RFX4: variants seen among roughly 807,000 people sequenced by gnomAD.
RFX4 encodes the protein transcription factor RFX4.
RFX4 carries 10 observed loss-of-function variants against 95.0 expected under a neutral mutation model. The observed-to-expected ratio is 0.11, with a 90% confidence interval of 0.06 to 0.18. The LOEUF (loss-of-function observed/expected upper bound fraction) is 0.18. Ranked by LOEUF, RFX4 falls within the 10% of genes least tolerant of loss-of-function variation. The probability of loss-of-function intolerance (pLI) is 1.00; values close to 1 mark genes in which losing one functional copy is unlikely to be tolerated. For synonymous variants in RFX4, 321 were observed against 340.7 expected, an observed-to-expected ratio of 0.94 and a Z score of 0.64; for missense variants, 640 against 922.0, an observed-to-expected ratio of 0.69 and a Z score of 3.96.
intron 4 of RFX4, among the ~76,000 whole-genome samples, chr12:106,669,792 G>T (rs1332530951): frequency 2.0e-5 from 3 of 151,432 alleles, no homozygotes; most frequent in African/African-American, 7.3e-5. Flanking sequence ...ATCTGCTGTG[G>T]GGCATCCATG....
At chr12:106,592,253 T>A (rs375991002) in intron 1 of RFX4, among the ~76,000 whole-genome samples, 5 of 152,308 alleles carry the variant, frequency 3.3e-5, no homozygotes, top group African/African-American at 1.2e-4. Context: ...GTGCTTGTAC[T>A]ATGTAGATAC....
chr12:106,648,536 T>C (rs941697388), intron 3 of RFX4, among the ~76,000 whole-genome samples: 2 of 151,084 alleles, frequency 1.3e-5, no homozygotes, highest in African/African-American at 2.4e-5. Context: ...CTGTGACAAC[T>C]TCAGTGATAA....
Position 106,690,245 on chromosome 12 carries a change from G to A in RFX4, c.669+881G>A, listed in dbSNP as rs558899551. ...CACAGACACAGCTCCAGACAAGATG[G>A]GAGTGTGTTGGTAAAGAAGTACTGT... On this transcript the variant is annotated intron_variant, in intron 7 of 17. Coordinates refer to ENST00000392842, the MANE Select transcript of RFX4 (RefSeq NM_213594.3). Among the ~76,000 whole-genome samples the A allele has an allele frequency of 3.3e-5, 5 of 152,244 alleles. No homozygotes were observed. The South Asian group carries it at 1.0e-3, about 32-fold the overall frequency.
chr12:106,648,005 C>A (rs1265553334), intron 3 of RFX4, among the ~76,000 whole-genome samples: 1 of 152,160 alleles, frequency 6.6e-6, no homozygotes, highest in African/African-American at 2.4e-5. Context: ...CTATGAGGAA[C>A]CATGGCCATC....
rs1026305758 is a variant in RFX4, at chr12:106,715,492, C to T, written c.1086C>T (p.Thr362=). 1 of 1,614,050 alleles carries T rather than the reference C, an allele frequency of 6.2e-7. No individual in the cohort carries two copies. The highest frequency in any genetic ancestry group is 1.3e-5 in the African/African-American group (1 of 74,906). Residue 362 remains threonine (T), a synonymous_variant, in exon 11 of 18, where the codon ACC becomes ACT. Transcript: ENST00000392842. The part of the protein sequence containing the change: ...NVDLNSITKQ[T]LYTMEDSRDE... ...ACCTGAACAGCATCACCAAGCAAAC[C>T]CTTTACACCATGGAAGACTCTCGCG...
intron 7 of RFX4, among the ~76,000 whole-genome samples, chr12:106,693,666 G>A (rs993299856): frequency 3.3e-5 from 5 of 152,182 alleles, no homozygotes; most frequent in African/African-American, 7.2e-5. Context: ...TCCAAAAGCC[G>A]TGGACATCTC....
chr12:106,624,160 C>T (rs548364277), intron 2 of RFX4, among the ~76,000 whole-genome samples: 1 of 152,082 alleles, frequency 6.6e-6, no homozygotes, highest in African/African-American at 2.4e-5. Context: ...ACTTATTTTA[C>T]GTTGGTTTTG....
At chr12:106,638,046 T>C (rs2040548869) in intron 2 of RFX4, among the ~76,000 whole-genome samples, 1 of 152,040 alleles carries the variant, frequency 6.6e-6, no homozygotes, top group Admixed American at 6.6e-5. Context: ...CTTGCTCTGT[T>C]GCCCAGACTA....
At chr12:106,667,707 G>A (rs1468004785) in intron 4 of RFX4, among the ~76,000 whole-genome samples, 1 of 152,168 alleles carries the variant, frequency 6.6e-6, no homozygotes. Flanking sequence ...AATCTTGAGG[G>A]CAGCAGTTTG....
rs2043221084 is a variant in RFX4, at chr12:106,762,429, T to C, written c.*960T>C. ...TATCCGACACTTTGATAGAAAAAAA[T>C]TCAAAGCTGTGCCTTTGAGCCTATA... On this transcript the variant is annotated 3_prime_UTR_variant, in exon 18 of 18. Coordinates refer to ENST00000392842, the MANE Select transcript of RFX4 (RefSeq NM_213594.3). 2 of 152,582 alleles carry C rather than the reference T, an allele frequency of 1.3e-5. No individual in the cohort carries two copies. Among genetic ancestry groups the C allele is most frequent in the Non-Finnish European group, 2.9e-5 (2 of 68,022 alleles). The allele number at this position is 152,582 out of a possible 1,614,324, so 9.5% of individuals were successfully genotyped here.
chr12:106,725,679 A>G (rs2042481035), intron 13 of RFX4, among the ~76,000 whole-genome samples: 1 of 151,998 alleles, frequency 6.6e-6, no homozygotes, highest in African/African-American at 2.4e-5. Context: ...TATGGAGGAA[A>G]ATGGAAAAAT....
At chr12:106,644,378 C>T (rs370801734) in intron 3 of RFX4, among the ~76,000 whole-genome samples, 77 of 151,974 alleles carry the variant, frequency 5.1e-4, no homozygotes, top group African/African-American at 1.7e-3. Flanking sequence ...GGATTACAGG[C>T]GCGCACCGCC....
intron 1 of RFX4, among the ~76,000 whole-genome samples, chr12:106,585,394 A>G (rs943035849): frequency 6.6e-6 from 1 of 152,176 alleles, no homozygotes; most frequent in Non-Finnish European, 1.5e-5. Flanking sequence ...TCCCTTTTGT[A>G]TATCCGAGAC....
chr12:106,625,598 A>G (rs2040281818), intron 2 of RFX4, among the ~76,000 whole-genome samples: 1 of 152,232 alleles, frequency 6.6e-6, no homozygotes, highest in Admixed American at 6.5e-5. Context: ...ATATACAGAG[A>G]GGAAAGCTCA....
chr12:106,651,985 A>T (rs1221158490), intron 3 of RFX4, among the ~76,000 whole-genome samples: 1 of 152,158 alleles, frequency 6.6e-6, no homozygotes, highest in Non-Finnish European at 1.5e-5. Context: ...TGGACCTCTG[A>T]ACTCACTTTT....
chr12:106,662,678 G>A (rs1189033866), intron 4 of RFX4, among the ~76,000 whole-genome samples: 1 of 152,004 alleles, frequency 6.6e-6, no homozygotes, highest in Non-Finnish European at 1.5e-5. Context: ...TGTCTTCTAG[G>A]TGTTTTACAG....
intron 3 of RFX4, among the ~76,000 whole-genome samples, chr12:106,645,420 C>A (rs992716074): frequency 6.6e-6 from 1 of 151,916 alleles, no homozygotes; most frequent in African/African-American, 2.4e-5. Context: ...TGGGTGGGGA[C>A]GTTTTCCCTT....
At chr12:106,689,513 C>A in intron 7 of RFX4, 149 bp downstream of exon 7, 1 of 675,004 alleles carries the variant, frequency 1.5e-6, no homozygotes. Flanking sequence ...TCATGAGATC[C>A]CATGAAGCAG....
chr12:106,659,929 G>A (rs988851269), intron 4 of RFX4, among the ~76,000 whole-genome samples: 1 of 152,178 alleles, frequency 6.6e-6, no homozygotes, highest in Non-Finnish European at 1.5e-5. Context: ...GTCATCTGGT[G>A]ATCTCCTAGG....
Sources: allele counts gnomAD v4.1 joint callset (sites outside exome capture counted in the v4.1 genomes callset), GRCh38; gene constraint gnomAD v4.1.1; transcripts MANE v1.5; gene names NCBI Gene and HGNC (gene_info 2026-07-23, HGNC 2026-07-21).